TCF12: variants seen among roughly 807,000 people sequenced by gnomAD.
The protein encoded by TCF12 is DNA-binding protein HTF4.
In TCF12, 45 loss-of-function variants were observed where a neutral mutation model predicts 86.0. The ratio of observed to expected loss-of-function variants is 0.52; its 90% CI spans 0.41 to 0.67. TCF12 has a LOEUF of 0.67. TCF12 is among the 30% of genes least tolerant of loss of function. TCF12 has a pLI of 0.00. For missense variants in TCF12, 881 were observed against 859.9 expected (o/e 1.02, Z -0.31); for synonymous variants, 330 against 299.6 (o/e 1.10, Z -1.05).
chr15:56,928,744 C>T lies in TCF12; in HGVS notation c.148+7646C>T, dbSNP rs763447535. On this transcript the variant is annotated intron_variant, in intron 3 of 20. Coordinates refer to ENST00000333725, the MANE Select transcript of TCF12 (RefSeq NM_207037.2). Reference sequence around the variant, plus strand: ...ATCCTTTTCCATGCTTAGGCATCACCGCCACTTGAATGTAGCATTTTGTCC... The same window carrying T: ...ATCCTTTTCCATGCTTAGGCATCACTGCCACTTGAATGTAGCATTTTGTCC... 2.0e-5 allele frequency among the ~76,000 whole-genome samples: 3 copies of T among 152,044 alleles called. No homozygotes were observed. In the East Asian group the frequency reaches 5.8e-4, roughly 29 times the overall value.
chr15:56,982,277 A>T (rs1384537480), intron 3 of TCF12, among the ~76,000 whole-genome samples: 1 of 152,230 alleles, frequency 6.6e-6, no homozygotes, highest in Non-Finnish European at 1.5e-5. Context: ...AAGTTTCTTT[A>T]GTTGATATGA....
At chr15:57,011,851 G>T (rs2064851850) in intron 3 of TCF12, among the ~76,000 whole-genome samples, 1 of 152,164 alleles carries the variant, frequency 6.6e-6, no homozygotes, top group Non-Finnish European at 1.5e-5. Context: ...AGTATTTTAT[G>T]ATTTCAAGGG....
intron 3 of TCF12, among the ~76,000 whole-genome samples, chr15:56,933,660 A>C (rs1206403434): frequency 6.6e-6 from 1 of 152,126 alleles, no homozygotes; most frequent in Admixed American, 6.5e-5. Context: ...AGCAGATTAA[A>C]AGTTTTTATG....
At chr15:57,218,632 C>CTTTATA (rs1482459556) in intron 8 of TCF12, among the ~76,000 whole-genome samples, 2 of 152,106 alleles carry the variant, frequency 1.3e-5, no homozygotes, top group East Asian at 3.8e-4. Context: ...TTCTCTCATA[C>CTTTATA]TTTATATGAA....
chr15:56,944,738 A>C (rs568039843), intron 3 of TCF12, among the ~76,000 whole-genome samples: 16 of 152,290 alleles, frequency 1.1e-4, no homozygotes, highest in Admixed American at 9.2e-4. Flanking sequence ...CACTACATTA[A>C]ACAAACACTG....
At chr15:57,162,464 A>G (rs1194351794) in intron 5 of TCF12, among the ~76,000 whole-genome samples, 3 of 152,240 alleles carry the variant, frequency 2.0e-5, no homozygotes, top group South Asian at 2.1e-4. Flanking sequence ...CCTTAAGAAA[A>G]TAACTAGTTT....
chr15:57,113,778 TAAAAAAAAAAAA>T (rs34582402), intron 5 of TCF12, among the ~76,000 whole-genome samples: 1 of 95,796 alleles, frequency 1.0e-5, no homozygotes, highest in African/African-American at 5.2e-5. Flanking sequence ...CGTCTCTACT[TAAAAAAAAAAAA>T]AAAAAAAAAA....
chr15:56,982,386 G>A lies in TCF12; in HGVS notation c.148+61288G>A, dbSNP rs2062937474. ...AATTCTTACGCTTTTTAAAAATATA[G>A]GTAAATTCAAAATCTTTTAATTTTG... On this transcript the variant is annotated intron_variant, in intron 3 of 20. Transcript: ENST00000333725. Among the ~76,000 whole-genome samples the A allele has an allele frequency of 3.3e-5, 5 of 152,116 alleles. No homozygotes were observed. In the South Asian group the frequency reaches 1.0e-3, roughly 32 times the overall value.
intron 12 of TCF12, among the ~76,000 whole-genome samples, 165 bp from the exon 13 acceptor site, chr15:57,243,307 C>G (rs1252060404): frequency 1.3e-5 from 2 of 151,940 alleles, no homozygotes; most frequent in Non-Finnish European, 2.9e-5. Flanking sequence ...GTTTTTTAAA[C>G]TGAGGCTTCT....
intron 3 of TCF12, among the ~76,000 whole-genome samples, chr15:56,948,212 C>T (rs1308422143): frequency 6.6e-6 from 1 of 151,986 alleles, no homozygotes; most frequent in Admixed American, 6.6e-5. Flanking sequence ...GCCTTGACCT[C>T]CTGGGCTGAA....
chr15:57,010,699 G>A (rs1389904486), intron 3 of TCF12, among the ~76,000 whole-genome samples: 7 of 152,196 alleles, frequency 4.6e-5, no homozygotes, highest in Non-Finnish European at 7.3e-5. Flanking sequence ...CAGGGTGAGT[G>A]AGAAACGTGT....
At chr15:57,174,970 A>G (rs964212893) in intron 6 of TCF12, among the ~76,000 whole-genome samples, 2 of 152,128 alleles carry the variant, frequency 1.3e-5, no homozygotes, top group Admixed American at 1.3e-4. Context: ...AGAAAACAAA[A>G]CAAAAACTAA....
At chr15:57,011,141 A>C (rs1195852035) in intron 3 of TCF12, among the ~76,000 whole-genome samples, 3 of 152,176 alleles carry the variant, frequency 2.0e-5, no homozygotes, top group Non-Finnish European at 4.4e-5. Flanking sequence ...AACAAAAGAT[A>C]CTAATGTGGT....
chr15:56,948,908 A>G (rs2061137970), intron 3 of TCF12, among the ~76,000 whole-genome samples: 1 of 152,228 alleles, frequency 6.6e-6, no homozygotes, highest in Non-Finnish European at 1.5e-5. Context: ...GCCTAGAAGA[A>G]ATAGACAAGG....
intron 3 of TCF12, among the ~76,000 whole-genome samples, chr15:57,029,209 A>G (rs1014708935): frequency 6.6e-6 from 1 of 151,942 alleles, no homozygotes; most frequent in African/African-American, 2.4e-5. Context: ...TTCCAGCACC[A>G]CTTGTTTGAG....
At chr15:56,919,653 T>G in intron 1 of TCF12, 1 of 324,998 alleles carries the variant, frequency 3.1e-6, no homozygotes, top group Non-Finnish European at 5.7e-6. Flanking sequence ...AGGCGGCGAG[T>G]TGCGGGAGCC....
chr15:56,966,632 G>A (rs747916433), intron 3 of TCF12, among the ~76,000 whole-genome samples: 2 of 152,076 alleles, frequency 1.3e-5, no homozygotes, highest in Non-Finnish European at 2.9e-5. Context: ...CCAGATACAC[G>A]GACTGTTGTT....
chr15:56,966,562 T>C (rs1248620110), intron 3 of TCF12, among the ~76,000 whole-genome samples: 1 of 152,206 alleles, frequency 6.6e-6, no homozygotes, highest in East Asian at 1.9e-4. Context: ...TTTTTCTATC[T>C]TATTTCTCTG....
At chr15:57,068,715 G>A (rs572567983) in intron 4 of TCF12, among the ~76,000 whole-genome samples, 1 of 152,282 alleles carries the variant, frequency 6.6e-6, no homozygotes, top group East Asian at 1.9e-4. Context: ...GTTGATTTAA[G>A]GTGAAGCTTG....
Sources: gnomAD v4.1 joint callset for allele counts (sites outside exome capture counted in the v4.1 genomes callset) on GRCh38, gnomAD v4.1.1 for gene constraint, MANE v1.5 for transcripts, NCBI Gene and HGNC (gene_info 2026-07-23, HGNC 2026-07-21) for gene names.